HEY1: variants seen among roughly 807,000 people sequenced by gnomAD.
HEY1 encodes hairy/enhancer-of-split related with YRPW motif protein 1.
HEY1 carries 9 observed loss-of-function variants against 28.7 expected under a neutral mutation model. The observed-to-expected ratio is 0.31, with a 90% CI of 0.19 to 0.55. HEY1 has a LOEUF of 0.55. Ranked by LOEUF, HEY1 falls within the 20% of genes least tolerant of loss-of-function variation. The pLI is 0.93. For missense variants in HEY1, 385 were observed against 399.4 expected (o/e 0.96, Z 0.31); for synonymous variants, 213 against 175.6 (o/e 1.21, Z -1.68).
chr8:79,767,432 G>A (rs1210720961), intron 1 of HEY1, 138 bp from the exon 2 acceptor site: 3 of 1,126,262 alleles, frequency 2.7e-6, no homozygotes, highest in Non-Finnish European at 3.8e-6. Flanking sequence ...GGGGTTCCCT[G>A]GCCGCAGGCT....
In HEY1 at chr8:79,764,469, C is replaced by T. The variant is rs146039416; in HGVS notation, c.*719G>A. The T allele has an allele frequency of 2.3e-3, 529 of 227,136 alleles. 1 individual carries two copies. The highest frequency in any genetic ancestry group is 0.011 in the African/African-American group (492 of 45,094). The allele number at this position is 227,136 out of a possible 1,614,324, so 14.1% of individuals were successfully genotyped here. On this transcript the variant is annotated 3_prime_UTR_variant, in exon 5 of 5. Coordinates refer to ENST00000354724, the MANE Select transcript of HEY1 (RefSeq NM_012258.4). ...CTTTCCACCAACACTCCAAATGAGA[C>T]CTAACCTATCAGCGGCTCTCTCCTA...
At chr8:79,766,960 A>G (rs1476312587) in intron 3 of HEY1, 49 bp downstream of exon 3, 2 of 1,472,278 alleles carry the variant, frequency 1.4e-6, no homozygotes, top group Non-Finnish European at 1.9e-6. Flanking sequence ...GGGAAGATTC[A>G]GAAGGTGCAG....
intron 3 of HEY1, 48 bp from the exon 4 acceptor site, chr8:79,766,780 G>A (rs1261745803): frequency 1.3e-6 from 2 of 1,578,288 alleles, no homozygotes; most frequent in Non-Finnish European, 1.7e-6. Flanking sequence ...GTTCCTTTGG[G>A]GAACAATTTA....
At chr8:79,766,836 A>G in intron 3 of HEY1, 104 bp from the exon 4 acceptor site, 2 of 1,382,590 alleles carry the variant, frequency 1.4e-6, no homozygotes, top group Non-Finnish European at 2.0e-6. Flanking sequence ...GTAAATCGTA[A>G]AGCATGGACT....
At chr8:79,765,961 G>C (rs916316501) in intron 4 of HEY1, among the ~76,000 whole-genome samples, 190 bp from the exon 5 acceptor site, 1 of 152,210 alleles carries the variant, frequency 6.6e-6, no homozygotes, top group Admixed American at 6.5e-5. Context: ...GTTTGCTAAT[G>C]CAAGTTCAAA....
intron 1 of HEY1, 70 bp downstream of exon 1, chr8:79,767,505 G>A (rs1009189461): frequency 1.2e-5 from 17 of 1,448,582 alleles, no homozygotes; most frequent in Middle Eastern, 1.9e-4. Flanking sequence ...GTCCTAGCCC[G>A]CTGTCACCGC....
rs2130485870 is a variant in HEY1 at position 79,764,933 on chromosome 8, T to C, written c.*255A>G. 1 of 387,640 alleles carries C rather than the reference T, an allele frequency of 2.6e-6. No homozygotes were observed. The allele number at this position is 387,640 out of a possible 1,614,324, so 24.0% of individuals were successfully genotyped here. A position where few individuals can be genotyped will look rare whatever the true frequency, so the allele number is the denominator to read the frequency against. On this transcript the variant is annotated 3_prime_UTR_variant, in exon 5 of 5. Coordinates refer to ENST00000354724, the MANE Select transcript of HEY1 (RefSeq NM_012258.4). The stretch of plus-strand genomic sequence containing the variant: ...AAACCTATCACAAAGTGTTGGCTTA[T>C]ACTCACTATTTCAATTTAATGTCTT...
Position 79,765,699 on chromosome 8 carries a change from G to T in HEY1, c.404C>A (p.Ala135Glu). Residue 135 changes from alanine (A) to glutamate (E), a missense_variant, in exon 5 of 5, where the codon GCG becomes GAG. By Grantham distance (107) the Ala-to-Glu change is moderately radical (BLOSUM62 -1). This residue lies in a region of HEY1 where 83 missense variants were observed against 122.7 expected (regional missense o/e 0.68). Transcript: ENST00000354724. ...TCCTTCAATGATGCTCAGATAACGCGCAACTTCTGCCAGGCATTCCCGAAA... is the reference window on the plus strand; with the variant it reads ...TCCTTCAATGATGCTCAGATAACGCTCAACTTCTGCCAGGCATTCCCGAAA... ...LGFRECLAEVARYLSIIEGLD... is the reference protein window; with the variant it reads ...LGFRECLAEVERYLSIIEGLD... The T allele has an allele frequency of 6.2e-7, 1 of 1,614,202 alleles. No homozygotes were observed.
In HEY1 at chr8:79,767,287, T is replaced by C; in HGVS notation, c.97A>G (p.Ser33Gly). 1 of 1,611,292 alleles carries C rather than the reference T, an allele frequency of 6.2e-7. No individual in the cohort carries two copies. Among genetic ancestry groups the C allele is most frequent in the Non-Finnish European group, 8.5e-7 (1 of 1,179,208 alleles). ...GGGGACATGGAACCTAGAGCCGAAC[T>C]CAAGTTTCTGAAAAGAGAAAAAGAA... ...KESADENGNL[S>G]SALGSMSPTT... The change falls in exon 2 of 5, where the codon AGT (serine) becomes GGT (glycine). Residue 33 changes from serine (S) to glycine (G), a missense_variant. By Grantham distance (56) the Ser-to-Gly change is moderately conservative (BLOSUM62 0). Around this residue, in one of 3 missense-constraint regions of HEY1, gnomAD observed 79 missense variants for 60.7 expected, o/e 1.30. Transcript: ENST00000354724.
chr8:79,767,203 G>C lies in HEY1; in HGVS notation c.165+16C>G. 1.9e-6 allele frequency: 3 copies of C among 1,605,636 alleles called. No homozygotes were observed. The highest frequency in any genetic ancestry group is 1.1e-5 in the South Asian group (1 of 90,588). On this transcript the variant is annotated intron_variant, in intron 2 of 4. Transcript: ENST00000354724. ...AATCAATAACAAAAATAAAAGGAGA[G>C]TGTAAAGAGACTCACTCCTCTCCGT...
intron 1 of HEY1, 115 bp downstream of exon 1, chr8:79,767,460 C>G (rs572836770): frequency 8.6e-7 from 1 of 1,169,432 alleles, no homozygotes; most frequent in Non-Finnish European, 1.2e-6. Flanking sequence ...GCCTGCGACG[C>G]GCGGAGGTCA....
chr8:79,765,336 G>C lies in HEY1; in HGVS notation c.767C>G (p.Ser256Cys). The change falls in exon 5 of 5, where the codon TCC becomes TGC. Residue 256 changes from serine to cysteine, a missense_variant. Around this residue, in one of 3 missense-constraint regions of HEY1, gnomAD observed 223 missense variants for 215.9 expected, o/e 1.03. Transcript: ENST00000354724. ...SASKLSPPLL[S>C]SVASLSAFPF... is the part of the protein sequence containing the mutation. ...GAAGGCCGACAGGGAGGCCACTGAG[G>C]AGAGCAGAGGCGGCGACAGTTTGGA... The C allele has an allele frequency of 1.9e-6, 3 of 1,573,056 alleles. No individual in the cohort carries two copies. Among genetic ancestry groups the C allele is most frequent in the Non-Finnish European group, 1.7e-6 (2 of 1,158,714 alleles).
rs776749041 is a variant in HEY1, at chr8:79,765,609, C to T, written c.494G>A (p.Arg165Gln). ...CGCGTGGGCGCCGCTCGCGGCTTCC[C>T]GCTGGGAAGCGTAGTTGTTGAGATG... ...VSHLNNYASQ[R>Q]EAASGAHAGL... The change falls in exon 5 of 5, where the codon CGG becomes CAG. Residue 165 changes from arginine (R) to glutamine (Q), a missense_variant. Around this residue, in one of 3 missense-constraint regions of HEY1, gnomAD observed 223 missense variants for 215.9 expected, o/e 1.03. Coordinates refer to ENST00000354724, the MANE Select transcript of HEY1 (RefSeq NM_012258.4). 1.2e-6 allele frequency: 2 copies of T among 1,614,144 alleles called. No homozygotes were observed. Among genetic ancestry groups the T allele is most frequent in the Non-Finnish European group, 1.7e-6 (2 of 1,180,034 alleles).
rs574996970 is a variant in HEY1, at chr8:79,767,643, C to T, written c.21G>A (p.Glu7=). 43 of 1,605,960 alleles carry T rather than the reference C, an allele frequency of 2.7e-5. No homozygotes were observed. Among genetic ancestry groups the T allele is most frequent in the South Asian group, 3.4e-5 (3 of 89,222 alleles). The part of the protein sequence containing the change: MKRAHP[E]YSSSDSELDE... ...CCAGCTCGCTGTCCGAGGAGCTGTA[C>T]TCGGGGTGAGCTCGCTTCATGCTGG... Residue 7 remains glutamate, a synonymous_variant, in exon 1 of 5, where the codon GAG becomes GAA. Coordinates refer to ENST00000354724, the MANE Select transcript of HEY1 (RefSeq NM_012258.4).
chr8:79,764,907 C>T lies in HEY1; in HGVS notation c.*281G>A. 3.1e-6 allele frequency: 1 copy of T among 321,852 alleles called. No individual in the cohort carries two copies. Among genetic ancestry groups the T allele is most frequent in the African/African-American group, 2.1e-5 (1 of 47,372 alleles). 19.9% of individuals were successfully genotyped at this position (321,852 alleles called of 1,614,324 possible). A position where few individuals can be genotyped will look rare whatever the true frequency, so the allele number is the denominator to read the frequency against. ...TTTACAAAGTAAATTAGGCACAGTA[C>T]AAACCTATCACAAAGTGTTGGCTTA... On this transcript the variant is annotated 3_prime_UTR_variant, in exon 5 of 5. Transcript: ENST00000354724.
At position 79,765,406 on chromosome 8, in the gene HEY1, G is replaced by A. The variant is rs777782411; in HGVS notation, c.697C>T (p.Pro233Ser). Reference sequence around the variant, plus strand: ...AGCACCGGTCCGAGGCTGCCGCTAGGGGGCGCTCGCAAAGCAGGCGCCTCC... The same window carrying A: ...AGCACCGGTCCGAGGCTGCCGCTAGAGGGCGCTCGCAAAGCAGGCGCCTCC... ...HPEAPALRAP[P>S]SGSLGPVLPV... The change falls in exon 5 of 5, where the codon CCT becomes TCT. Residue 233 changes from proline to serine, a missense_variant. Physicochemically the swap from Pro to Ser is moderately conservative, Grantham distance 74. This residue lies in a region of HEY1 where 223 missense variants were observed against 215.9 expected (regional missense o/e 1.03). Transcript: ENST00000354724. 3.1e-6 allele frequency: 5 copies of A among 1,609,026 alleles called. No individual in the cohort carries two copies. Among genetic ancestry groups the A allele is most frequent in the Admixed American group, 1.7e-5 (1 of 59,146 alleles).
chr8:79,766,063 A>C, intron 4 of HEY1: 1 of 697,702 alleles, frequency 1.4e-6, no homozygotes, highest in Non-Finnish European at 2.2e-6. Context: ...CCTCAACAAC[A>C]ACAAAAAATA....
intron 1 of HEY1, 96 bp from the exon 2 acceptor site, chr8:79,767,390 CT>C: frequency 6.5e-6 from 8 of 1,236,310 alleles, no homozygotes; most frequent in Non-Finnish European, 8.1e-6. Context: ...CGCACTCAGA[CT>C]TTTTTTGCCA....
intron 1 of HEY1, 39 bp from the exon 2 acceptor site, chr8:79,767,333 C>A: frequency 6.4e-7 from 1 of 1,566,686 alleles, no homozygotes; most frequent in South Asian, 1.1e-5. Flanking sequence ...CTGAAATCGC[C>A]GTTAAACGAG....
Sources: gnomAD v4.1 joint callset for allele counts (sites outside exome capture counted in the v4.1 genomes callset) on GRCh38, gnomAD v4.1.1 for gene constraint, gnomAD v4.1.1 regional missense constraint, MANE v1.5 for transcripts, NCBI Gene and HGNC (gene_info 2026-07-23, HGNC 2026-07-21) for gene names.